The following SLC6A20 variants were observed in gnomAD, a reference collection of about 807,000 sequenced individuals.
SLC6A20 encodes the protein sodium- and chloride-dependent transporter XTRP3.
In SLC6A20, 73 loss-of-function variants were observed where a neutral mutation model predicts 64.3. The ratio of observed to expected loss-of-function variants is 1.14; its 90% CI spans 0.94 to 1.38. The LOEUF (loss-of-function observed/expected upper bound fraction) is 1.38, where lower values mean the gene tolerates loss of function less well. SLC6A20 is among the 40% of genes most tolerant of loss of function. The pLI, the probability that SLC6A20 is intolerant of heterozygous loss-of-function variation, is 0.00. For synonymous variants in SLC6A20, 347 were observed against 329.6 expected (o/e 1.05, Z -0.57); for missense variants, 725 against 772.8 (o/e 0.94, Z 0.73).
intron 4 of SLC6A20, among the ~76,000 whole-genome samples, chr3:45,774,364 GGATCAT>G (rs1699929754): frequency 1.3e-5 from 2 of 152,182 alleles, no homozygotes; most frequent in African/African-American, 4.8e-5. Context: ...CTGATCTCTT[GGATCAT>G]GATCATAATA....
At chr3:45,782,621 T>TTCCA (rs3051640) in intron 1 of SLC6A20, among the ~76,000 whole-genome samples, 75,591 of 144,438 alleles carry the variant, frequency 0.52, 19,949 homozygotes, top group Admixed American at 0.62. Context: ...ATTTCCATAT[T>TTCCA]TCCATCCATC....
At chr3:45,773,785 C>T (rs895367749) in intron 4 of SLC6A20, among the ~76,000 whole-genome samples, 5 of 152,132 alleles carry the variant, frequency 3.3e-5, no homozygotes, top group African/African-American at 4.8e-5. Flanking sequence ...ACCCAGGGGA[C>T]GGCAGGTGGA....
At chr3:45,759,407 G>C (rs1021011213) in intron 10 of SLC6A20, among the ~76,000 whole-genome samples, 2 of 152,224 alleles carry the variant, frequency 1.3e-5, no homozygotes, top group African/African-American at 4.8e-5. Flanking sequence ...GAATAACCAT[G>C]GTAATAATCA....
At chr3:45,777,988 C>T (rs1375256272) in intron 3 of SLC6A20, among the ~76,000 whole-genome samples, 1 of 152,208 alleles carries the variant, frequency 6.6e-6, no homozygotes, top group African/African-American at 2.4e-5. Flanking sequence ...GCAACTTCAT[C>T]TCCCCAGTGT....
At chr3:45,784,342 C>T (rs905305136) in intron 1 of SLC6A20, among the ~76,000 whole-genome samples, 2 of 152,138 alleles carry the variant, frequency 1.3e-5, no homozygotes, top group Non-Finnish European at 2.9e-5. Flanking sequence ...AATTTTATAA[C>T]AAACAAATCT....
At chr3:45,764,509 C>G (rs1000400055) in intron 8 of SLC6A20, among the ~76,000 whole-genome samples, 1 of 152,122 alleles carries the variant, frequency 6.6e-6, no homozygotes, top group African/African-American at 2.4e-5. Flanking sequence ...TTGAGACCAG[C>G]CTGGCCAACA....
chr3:45,794,561 G>C (rs1056521536), intron 1 of SLC6A20, among the ~76,000 whole-genome samples: 5 of 152,086 alleles, frequency 3.3e-5, no homozygotes, highest in African/African-American at 9.7e-5. Flanking sequence ...CTTTTTCTTG[G>C]AACCTGAGGG....
intron 7 of SLC6A20, among the ~76,000 whole-genome samples, chr3:45,766,368 C>G (rs550396451): frequency 9.8e-5 from 15 of 152,360 alleles, no homozygotes; most frequent in Non-Finnish European, 2.1e-4. Flanking sequence ...GAAGCCCCCC[C>G]ACCCGGTTTA....
chr3:45,759,518 C>G (rs1699623744), intron 10 of SLC6A20, among the ~76,000 whole-genome samples: 1 of 152,246 alleles, frequency 6.6e-6, no homozygotes, highest in Non-Finnish European at 1.5e-5. Flanking sequence ...CGTTCTCTGT[C>G]AGTGCTGTCT....
At position 45,796,525 on chromosome 3, in the gene SLC6A20, C is replaced by G. The variant is rs1255207247; in HGVS notation, c.-106G>C. On this transcript the variant is annotated 5_prime_UTR_variant, in exon 1 of 11. Transcript: ENST00000358525. ...CCACCCCGGCTCGGCTTGGGGGTGGCCCCGCGCCTCCGCCGCCGACGCAGC... is the reference window on the plus strand; with the variant it reads ...CCACCCCGGCTCGGCTTGGGGGTGGGCCCGCGCCTCCGCCGCCGACGCAGC... 2 of 1,157,316 alleles carry G rather than the reference C, an allele frequency of 1.7e-6. No homozygotes were observed. The highest frequency in any genetic ancestry group is 4.6e-5 in the South Asian group (2 of 43,602). The allele number at this position is 1,157,316 out of a possible 1,614,324, so 71.7% of individuals were successfully genotyped here.
chr3:45,760,662 C>T (rs1018743040), intron 9 of SLC6A20, among the ~76,000 whole-genome samples: 3 of 152,244 alleles, frequency 2.0e-5, no homozygotes, highest in African/African-American at 7.2e-5. Flanking sequence ...TCTCTTTTCC[C>T]TCTTCTTTAC....
At chr3:45,786,306 G>A (rs1390769940) in intron 1 of SLC6A20, among the ~76,000 whole-genome samples, 1 of 152,178 alleles carries the variant, frequency 6.6e-6, no homozygotes, top group Non-Finnish European at 1.5e-5. Flanking sequence ...TAGGCATCCA[G>A]ACTCTAGCTC....
At position 45,764,733 on chromosome 3, in the gene SLC6A20, A is replaced by C. The variant is rs545751377; in HGVS notation, c.1303+804T>G. ...CAAAAAAAAAAAAAAAAGGAAAAAA[A>C]CCCCTAAAATGTAGAAGTCAGAAAT... is the stretch of plus-strand genomic sequence containing the variant. On this transcript the variant is annotated intron_variant, in intron 8 of 10. Coordinates refer to ENST00000358525, the MANE Select transcript of SLC6A20 (RefSeq NM_020208.4). Among the ~76,000 whole-genome samples, 8 of 129,828 alleles carry C rather than the reference A, an allele frequency of 6.2e-5. No individual in the cohort carries two copies. The South Asian group carries it at 1.9e-3, about 30-fold the overall frequency. The allele number at this position is 129,828 out of a possible 152,430, so 85.2% of individuals were successfully genotyped here. A position where few individuals can be genotyped will look rare whatever the true frequency, so the allele number is the denominator to read the frequency against.
chr3:45,761,747 G>T (rs1295423279), intron 9 of SLC6A20, among the ~76,000 whole-genome samples: 2 of 152,186 alleles, frequency 1.3e-5, no homozygotes, highest in Admixed American at 1.3e-4. Context: ...GACCAAGTAA[G>T]TCTGGAAATG....
Position 45,796,291 on chromosome 3 carries a change from G to A in SLC6A20, c.121+8C>T. The A allele has an allele frequency of 6.3e-7, 1 of 1,598,900 alleles. No homozygotes were observed. The highest frequency in any genetic ancestry group is 8.5e-7 in the Non-Finnish European group (1 of 1,173,110). Reference sequence around the variant, plus strand: ...TTGGGCTGGGGCCGGGGCGCGGTGGGCACTCACCTCCGCCGTACATCTGGC... The same window carrying A: ...TTGGGCTGGGGCCGGGGCGCGGTGGACACTCACCTCCGCCGTACATCTGGC... On this transcript the variant is annotated splice_region_variant and intron_variant, in intron 1 of 10. Transcript: ENST00000358525.
chr3:45,758,661 T>C lies in SLC6A20; in HGVS notation c.*317A>G, dbSNP rs1478278349. 1 of 1,162,518 alleles carries C rather than the reference T, an allele frequency of 8.6e-7. No individual in the cohort carries two copies. The highest frequency in any genetic ancestry group is 1.1e-6 in the Non-Finnish European group (1 of 939,250). The allele number at this position is 1,162,518 out of a possible 1,614,324, so 72.0% of individuals were successfully genotyped here. A position where few individuals can be genotyped will look rare whatever the true frequency, so the allele number is the denominator to read the frequency against. On this transcript the variant is annotated 3_prime_UTR_variant, in exon 11 of 11. Coordinates refer to ENST00000358525, the MANE Select transcript of SLC6A20 (RefSeq NM_020208.4). ...CTTAAATTTGGTCCCATAAGAATTA[T>C]AGTCATATTTCAGTTTGCAATGTGC...
In SLC6A20 at chr3:45,759,897, A is replaced by G. The variant is rs199652677; in HGVS notation, c.1589T>C (p.Leu530Pro). The change falls in exon 10 of 11, where the codon CTC becomes CCC. Residue 530 changes from leucine (L) to proline (P), a missense_variant. Physicochemically the swap from Leu to Pro is moderately conservative, Grantham distance 98 (BLOSUM62 -3). Transcript: ENST00000358525. ...LFVFYLSDYI[L>P]TGTLKYQAWD... ...GGCTTGATACTTCAGGGTCCCCGTG[A>G]GGATGTAGTCGCTCAGGTAGAAGAC... The G allele has an allele frequency of 3.0e-5, 49 of 1,614,174 alleles. No homozygotes were observed. In the East Asian group the frequency reaches 8.9e-4, roughly 29 times the overall value.
At chr3:45,783,395 G>C (rs539944378) in intron 1 of SLC6A20, among the ~76,000 whole-genome samples, 1 of 152,204 alleles carries the variant, frequency 6.6e-6, no homozygotes, top group Non-Finnish European at 1.5e-5. Context: ...TACCAAAAAT[G>C]TCTCCATTGT....
intron 4 of SLC6A20, among the ~76,000 whole-genome samples, chr3:45,773,910 C>T (rs1575429706): frequency 6.6e-6 from 1 of 152,336 alleles, no homozygotes; most frequent in East Asian, 1.9e-4. Context: ...AAAGACAGAG[C>T]ACTCACTCGT....
Sources: allele counts gnomAD v4.1 joint callset (sites outside exome capture counted in the v4.1 genomes callset), GRCh38; gene constraint gnomAD v4.1.1; transcripts MANE v1.5; gene names NCBI Gene and HGNC (gene_info 2026-07-23, HGNC 2026-07-21).